Variants in DMD observed in about 807,000 individuals in gnomAD.
DMD encodes dystrophin.
DMD carries 63 observed loss-of-function variants against 330.1 expected under a neutral mutation model. That is an observed-to-expected ratio of 0.19 (90% confidence interval 0.16 to 0.24). The LOEUF is 0.24. Among genes scored for constraint, DMD ranks in the 10% least tolerant of loss-of-function variants. The pLI, the probability that DMD is intolerant of heterozygous loss-of-function variation, is 1.00. For synonymous variants in DMD, 1,223 were observed against 959.8 expected (o/e 1.27, Z -5.07); for missense variants, 3,344 against 2,684.1 (o/e 1.25, Z -5.43).
At chrX:33,178,782 T>C (rs1203022820) in intron 1 of DMD, among the ~76,000 whole-genome samples, 1 of 112,252 alleles carries the variant, frequency 8.9e-6, no homozygotes, top group African/African-American at 3.2e-5. Context: ...CATGCAACTT[T>C]TACTGCTGCG....
rs878965525 is a variant in DMD at position 33,320,114 on chromosome X, C to T, written c.7+19145G>A. Reference sequence around the variant, plus strand: ...AGTCAGACAGGGCAATAATCAGAGCCATATTACTCATTTATAAAATCTCAA... The same window carrying T: ...AGTCAGACAGGGCAATAATCAGAGCTATATTACTCATTTATAAAATCTCAA... On this transcript the variant is annotated intron_variant, in intron 1 of 17. Coordinates refer to the DMD transcript ENST00000288447. Among the ~76,000 whole-genome samples, 3 of 111,266 alleles carry T rather than the reference C, an allele frequency of 2.7e-5. No individual in the cohort carries two copies. The Admixed American group carries it at 2.9e-4, about 11-fold the overall frequency.
chrX:31,187,469 T>G (rs897976085), intron 67 of DMD, among the ~76,000 whole-genome samples: 5 of 111,831 alleles, frequency 4.5e-5, no homozygotes, highest in Admixed American at 1.9e-4. Flanking sequence ...TGGATTACTT[T>G]CTTTTGTTCT....
At chrX:31,301,851 C>T (rs981655242) in intron 62 of DMD, among the ~76,000 whole-genome samples, 1 of 111,887 alleles carries the variant, frequency 8.9e-6, no homozygotes, top group African/African-American at 3.3e-5. Context: ...TGGATATCCA[C>T]TGCAGCTCCA....
At chrX:31,622,500 T>C (rs906369575) in intron 55 of DMD, among the ~76,000 whole-genome samples, 5 of 111,404 alleles carry the variant, frequency 4.5e-5, no homozygotes, top group Non-Finnish European at 9.4e-5. Flanking sequence ...GAACTGTTTT[T>C]GAAAAGCACC....
chrX:32,551,219 T>C (rs2049519604), intron 16 of DMD, among the ~76,000 whole-genome samples: 1 of 110,688 alleles, frequency 9.0e-6, no homozygotes, highest in Non-Finnish European at 1.9e-5. Context: ...CTAATGAACA[T>C]AGATGCAAAA....
chrX:31,420,094 A>G (rs2063284528), intron 60 of DMD, among the ~76,000 whole-genome samples: 2 of 112,326 alleles, frequency 1.8e-5, no homozygotes, highest in Admixed American at 1.9e-4. Flanking sequence ...AAAACTTAAG[A>G]AAAATGGGTG....
At chrX:31,153,994 C>A (rs764406615) in intron 74 of DMD, among the ~76,000 whole-genome samples, 1 of 112,215 alleles carries the variant, frequency 8.9e-6, no homozygotes, top group Non-Finnish European at 1.9e-5. Context: ...AGAACTGATG[C>A]TGGAGGGTTT....
chrX:32,694,905 T>A (rs1363235828), intron 9 of DMD, among the ~76,000 whole-genome samples: 1 of 111,996 alleles, frequency 8.9e-6, no homozygotes, highest in Non-Finnish European at 1.9e-5. Flanking sequence ...TCCACCCACC[T>A]TGGCCTCCCA....
At chrX:31,376,231 C>T (rs988450819) in intron 60 of DMD, among the ~76,000 whole-genome samples, 40 of 112,063 alleles carry the variant, frequency 3.6e-4, no homozygotes, top group African/African-American at 1.3e-3. Context: ...CATAACCTTT[C>T]GAAAAGCACA....
chrX:32,467,511 A>G (rs760498413), intron 23 of DMD, among the ~76,000 whole-genome samples: 1 of 110,273 alleles, frequency 9.1e-6, no homozygotes, highest in African/African-American at 3.3e-5. Flanking sequence ...ATGGTGATAA[A>G]ATAAGTTATT....
intron 43 of DMD, among the ~76,000 whole-genome samples, chrX:32,249,730 G>C (rs1376051612): frequency 9.0e-6 from 1 of 111,262 alleles, no homozygotes; most frequent in Non-Finnish European, 1.9e-5. Context: ...GTCAATATTC[G>C]ACACAAAATG....
chrX:31,323,967 C>T (rs1426174232), intron 61 of DMD, among the ~76,000 whole-genome samples: 1 of 104,444 alleles, frequency 9.6e-6, no homozygotes, highest in Non-Finnish European at 1.9e-5. Flanking sequence ...ATGTGTCTCC[C>T]TTGAGTGCTT....
intron 52 of DMD, among the ~76,000 whole-genome samples, chrX:31,724,735 C>G (rs1477278809): frequency 2.7e-5 from 3 of 111,967 alleles, no homozygotes; most frequent in Admixed American, 9.5e-5. Context: ...TAATGAGCAT[C>G]TAATATGTGC....
chrX:32,592,985 T>G (rs888415657), intron 13 of DMD, among the ~76,000 whole-genome samples: 1 of 113,083 alleles, frequency 8.8e-6, no homozygotes, highest in Non-Finnish European at 1.9e-5. Context: ...CATGCCTGTC[T>G]GTGCACAGTG....
chrX:31,173,038 A>G (rs3788884), intron 72 of DMD, among the ~76,000 whole-genome samples: 5,079 of 111,817 alleles, frequency 0.045, 179 homozygotes, highest in South Asian at 0.17. Flanking sequence ...AAAATTAGTA[A>G]TTCAGTTTTT....
chrX:32,284,021 G>A (rs1423405018), intron 43 of DMD, among the ~76,000 whole-genome samples: 1 of 111,344 alleles, frequency 9.0e-6, no homozygotes, highest in Non-Finnish European at 1.9e-5. Flanking sequence ...TAAAGCAATG[G>A]ACTCTGGCAT....
intron 1 of DMD, among the ~76,000 whole-genome samples, chrX:33,081,927 T>G (rs539044632): frequency 9.0e-6 from 1 of 110,844 alleles, no homozygotes; most frequent in Non-Finnish European, 1.9e-5. Context: ...GGGATCCATC[T>G]GTTTTTAATT....
intron 1 of DMD, among the ~76,000 whole-genome samples, chrX:33,275,119 C>T (rs1279763090): frequency 8.9e-6 from 1 of 112,243 alleles, no homozygotes; most frequent in Non-Finnish European, 1.9e-5. Context: ...ATTCAGGCTG[C>T]ATGAAATCTT....
chrX:31,352,688 G>A (rs971101630), intron 60 of DMD, among the ~76,000 whole-genome samples: 2 of 112,148 alleles, frequency 1.8e-5, no homozygotes, highest in African/African-American at 3.2e-5. Context: ...GTATGACAGC[G>A]AGAAGAATTA....
Sources: gnomAD v4.1 joint callset for allele counts (sites outside exome capture counted in the v4.1 genomes callset) on GRCh38, gnomAD v4.1.1 for gene constraint, MANE v1.5 for transcripts, NCBI Gene and HGNC (gene_info 2026-07-23, HGNC 2026-07-21) for gene names.